The following VWA5B1 variants were observed in gnomAD, a reference collection of about 807,000 sequenced individuals.
VWA5B1 encodes the protein von Willebrand factor A domain-containing protein 5B1.
Under a neutral mutation model 118.2 loss-of-function variants are expected in VWA5B1, and 115 were observed. The ratio of observed to expected loss-of-function variants is 0.97; its 90% confidence interval spans 0.84 to 1.14. VWA5B1 has a LOEUF of 1.14. Ranked by LOEUF, VWA5B1 falls within the 50% of genes most tolerant of loss-of-function variation. The probability of loss-of-function intolerance (pLI) is 0.00; values close to 1 mark genes in which losing one functional copy is unlikely to be tolerated. For synonymous variants in VWA5B1, 682 were observed against 658.4 expected (o/e 1.04, Z -0.55); for missense variants, 1,596 against 1,603.8 (o/e 1.00, Z 0.08).
At chr1:20,342,364 T>G in intron 14 of VWA5B1, 68 bp from the exon 15 acceptor site, 4 of 1,497,122 alleles carry the variant, frequency 2.7e-6, no homozygotes, top group Non-Finnish European at 3.6e-6. Flanking sequence ...GAGCTCTTCC[T>G]CCTCCTTCTC....
At position 20,343,254 on chromosome 1, in the gene VWA5B1, C is replaced by G. The variant is rs774739634; in HGVS notation, c.2487C>G (p.Phe829Leu). The G allele has an allele frequency of 5.8e-6, 9 of 1,548,784 alleles. No individual in the cohort carries two copies. The highest frequency in any genetic ancestry group is 2.7e-5 in the African/African-American group (2 of 73,032). Reference sequence around the variant, plus strand: ...AACGCCTGCAGTGGGAGGTGAGCTTCGAGCTGGGGACCCCTGGACCGGAGC... The same window carrying G: ...AACGCCTGCAGTGGGAGGTGAGCTTGGAGCTGGGGACCCCTGGACCGGAGC... ...DSQRLQWEVS[F>L]ELGTPGPERG... The change falls in exon 16 of 22, where the codon TTC becomes TTG. Residue 829 changes from phenylalanine (F) to leucine (L), a missense_variant. Physicochemically the swap from Phe to Leu is conservative, Grantham distance 22. Transcript: ENST00000289815.
At chr1:20,309,071 G>T (rs2088761025) in intron 1 of VWA5B1, among the ~76,000 whole-genome samples, 1 of 152,140 alleles carries the variant, frequency 6.6e-6, no homozygotes, top group Non-Finnish European at 1.5e-5. Flanking sequence ...CGAGGGTCTT[G>T]GGAGGCCCTA....
rs1337553666 is a variant in VWA5B1 at position 20,354,469 on chromosome 1, C to G, written c.*206C>G. On this transcript the variant is annotated 3_prime_UTR_variant, in exon 22 of 22. Coordinates refer to ENST00000289815, the MANE Select transcript of VWA5B1 (RefSeq NM_001039500.3). ...GCAACTTTAGGCCAGTGCCTGCCCC[C>G]GTCTGGGCCTCAGTTTCCTCATCTA... 3 of 614,590 alleles carry G rather than the reference C, an allele frequency of 4.9e-6. No individual in the cohort carries two copies. In the Admixed American group the frequency reaches 9.7e-5, roughly 20 times the overall value. 38.1% of individuals were successfully genotyped at this position (614,590 alleles called of 1,614,324 possible).
chr1:20,304,030 C>A (rs1388963983), intron 1 of VWA5B1, among the ~76,000 whole-genome samples: 1 of 152,210 alleles, frequency 6.6e-6, no homozygotes, highest in African/African-American at 2.4e-5. Context: ...GCCTGTAAAG[C>A]ACTAGAACCT....
intron 14 of VWA5B1, among the ~76,000 whole-genome samples, chr1:20,341,687 T>C (rs2089878568): frequency 6.6e-6 from 1 of 152,242 alleles, no homozygotes. Context: ...ATGATCTTTG[T>C]CATGACTATT....
chr1:20,342,390 C>T (rs1201904101), intron 14 of VWA5B1, 42 bp from the exon 15 acceptor site: 1 of 1,532,294 alleles, frequency 6.5e-7, no homozygotes, highest in Admixed American at 2.0e-5. Flanking sequence ...CCTCCTCCTC[C>T]TCGTCCTCCT....
At chr1:20,352,872 G>C (rs181204714) in intron 21 of VWA5B1, among the ~76,000 whole-genome samples, 31 of 152,334 alleles carry the variant, frequency 2.0e-4, no homozygotes, top group Admixed American at 6.5e-4. Flanking sequence ...GTTAGGCCCA[G>C]TGCTAGACCC....
chr1:20,304,368 C>G (rs749368385), intron 1 of VWA5B1, among the ~76,000 whole-genome samples: 1 of 152,024 alleles, frequency 6.6e-6, no homozygotes, highest in Non-Finnish European at 1.5e-5. Context: ...AAGAACCTGA[C>G]GTGTTCAGGG....
intron 8 of VWA5B1, 52 bp from the exon 9 acceptor site, chr1:20,327,838 G>A (rs200749312): frequency 1.5e-4 from 217 of 1,451,600 alleles, no homozygotes; most frequent in East Asian, 6.9e-4. Flanking sequence ...TGCAGTGGCC[G>A]AGTGACAAGA....
chr1:20,353,804 C>T lies in VWA5B1; in HGVS notation c.3189C>T (p.Phe1063=), dbSNP rs776133281. The change falls in exon 22 of 22, where the codon TTC becomes TTT. Residue 1063 remains phenylalanine, a synonymous_variant. Coordinates refer to ENST00000289815, the MANE Select transcript of VWA5B1 (RefSeq NM_001039500.3). ...GAGCCTTCCTGCTCAACGAAGCCTTCTGTGAGGCCACGCACATCCCCATGG... is the reference window on the plus strand; with the variant it reads ...GAGCCTTCCTGCTCAACGAAGCCTTTTGTGAGGCCACGCACATCCCCATGG... ...ASGAFLLNEA[F]CEATHIPMEK... 44 of 1,481,174 alleles carry T rather than the reference C, an allele frequency of 3.0e-5. 1 individual carries two copies. In the South Asian group the frequency reaches 5.9e-4, roughly 20 times the overall value. The allele number at this position is 1,481,174 out of a possible 1,614,324, so 91.8% of individuals were successfully genotyped here. A position where few individuals can be genotyped will look rare whatever the true frequency, so the allele number is the denominator to read the frequency against.
chr1:20,293,915 G>A (rs1344677095), intron 1 of VWA5B1, among the ~76,000 whole-genome samples: 1 of 152,194 alleles, frequency 6.6e-6, no homozygotes, highest in South Asian at 2.1e-4. Context: ...GAGCAGGGAA[G>A]TGTTTCCCAC....
intron 13 of VWA5B1, among the ~76,000 whole-genome samples, chr1:20,337,277 A>G (rs2089744425): frequency 6.6e-6 from 1 of 151,980 alleles, no homozygotes; most frequent in Admixed American, 6.6e-5. Flanking sequence ...ACAGGCGCAT[A>G]CCACCATGCC....
At chr1:20,334,669 G>A (rs530077579) in intron 12 of VWA5B1, among the ~76,000 whole-genome samples, 1 of 152,210 alleles carries the variant, frequency 6.6e-6, no homozygotes, top group Admixed American at 6.5e-5. Flanking sequence ...AAATTAGCCA[G>A]GCGTGGCGTC....
chr1:20,298,011 T>G (rs75560809), intron 1 of VWA5B1, among the ~76,000 whole-genome samples: 11,864 of 146,610 alleles, frequency 0.081, 450 homozygotes, highest in African/African-American at 0.094. Flanking sequence ...TTTTTTTTTT[T>G]TTTTTTTGTT....
intron 17 of VWA5B1, among the ~76,000 whole-genome samples, chr1:20,345,932 ACAGTC>A (rs1188086015): frequency 6.6e-6 from 1 of 152,244 alleles, no homozygotes; most frequent in African/African-American, 2.4e-5. Flanking sequence ...ACTAAGACCA[ACAGTC>A]ATCCAGGAGT....
chr1:20,314,716 T>C (rs1394070664), intron 4 of VWA5B1, 124 bp downstream of exon 4: 3 of 1,450,382 alleles, frequency 2.1e-6, no homozygotes, highest in Non-Finnish European at 2.7e-6. Flanking sequence ...TGCTCTACGA[T>C]TGCCACCCTC....
At chr1:20,309,638 T>C (rs1359335958) in intron 1 of VWA5B1, among the ~76,000 whole-genome samples, 1 of 152,162 alleles carries the variant, frequency 6.6e-6, no homozygotes, top group Admixed American at 6.5e-5. Flanking sequence ...TGGTTCTCTG[T>C]CCAAGAAGCA....
chr1:20,351,251 G>T (rs931525175), intron 20 of VWA5B1, among the ~76,000 whole-genome samples: 1 of 152,220 alleles, frequency 6.6e-6, no homozygotes. Flanking sequence ...AGGTATAGTA[G>T]CTCACACGTG....
At chr1:20,333,595 A>G (rs2089632864) in intron 12 of VWA5B1, among the ~76,000 whole-genome samples, 1 of 152,252 alleles carries the variant, frequency 6.6e-6, no homozygotes, top group Non-Finnish European at 1.5e-5. Context: ...TATGGTGCAC[A>G]CTTTAGTTCA....
Sources: allele counts gnomAD v4.1 joint callset (sites outside exome capture counted in the v4.1 genomes callset), GRCh38; gene constraint gnomAD v4.1.1; transcripts MANE v1.5; gene names NCBI Gene and HGNC (gene_info 2026-07-23, HGNC 2026-07-21).